AFF1: variants seen among roughly 807,000 people sequenced by gnomAD.
AFF1 encodes AF4/FMR2 family member 1.
In AFF1, 48 loss-of-function variants were observed where a neutral mutation model predicts 121.7. The observed-to-expected ratio is 0.39, with a 90% CI of 0.31 to 0.50. AFF1 has a LOEUF of 0.50. AFF1 is among the 20% of genes least tolerant of loss of function. The pLI is 0.76. For missense variants in AFF1, 1,523 were observed against 1,511.7 expected, an observed-to-expected ratio of 1.01 and a Z score of -0.12; for synonymous variants, 613 against 563.0, an observed-to-expected ratio of 1.09 and a Z score of -1.26.
In AFF1 at chr4:87,105,900, T is replaced by C. The variant is rs573367237; in HGVS notation, c.1376+55T>C. ...AGAATGTTTGCAATTTTTTACCAAA[T>C]GGGAAAAATAAAGCCTTATTTAGTA... On this transcript the variant is annotated intron_variant, in intron 10 of 20. Transcript: ENST00000395146. The C allele has an allele frequency of 3.1e-6, 5 of 1,592,998 alleles. No homozygotes were observed. In the South Asian group the frequency reaches 4.4e-5, roughly 14 times the overall value.
At position 87,131,204 on chromosome 4, in the gene AFF1, C is replaced by CTG; in HGVS notation, c.3088_3089dup (p.Asp1031Ter). ...TCAGCTTACTCTGTCTACTCAGAAA[C>CTG]TGTAGATCTCATTAAGTAAGTGCCG... On this transcript the variant is annotated frameshift_variant, in exon 17 of 21. Transcript: ENST00000395146. LOFTEE classifies it high-confidence loss of function. 1 of 1,614,122 alleles carries CTG rather than the reference C, an allele frequency of 6.2e-7. No individual in the cohort carries two copies. The highest frequency in any genetic ancestry group is 8.5e-7 in the Non-Finnish European group (1 of 1,180,002).
At chr4:87,040,871 CTTTT>C (rs780348229) in intron 2 of AFF1, among the ~76,000 whole-genome samples, 5 of 67,110 alleles carry the variant, frequency 7.5e-5, no homozygotes, top group African/African-American at 2.5e-4. Context: ...CCATGCCCTG[CTTTT>C]TTTTTTTTTT....
chr4:87,087,832 G>T (rs1228517430), intron 5 of AFF1, among the ~76,000 whole-genome samples: 2 of 152,150 alleles, frequency 1.3e-5, no homozygotes, highest in African/African-American at 4.8e-5. Flanking sequence ...AAACATAAGG[G>T]TGATGTTTTC....
intron 2 of AFF1, among the ~76,000 whole-genome samples, chr4:87,027,283 T>C (rs1728616934): frequency 6.6e-6 from 1 of 152,252 alleles, no homozygotes. Flanking sequence ...AGAGAAAGAT[T>C]TGAAGGTGTT....
At chr4:87,012,312 G>A (rs1048897568) in intron 2 of AFF1, among the ~76,000 whole-genome samples, 1 of 147,758 alleles carries the variant, frequency 6.8e-6, no homozygotes, top group African/African-American at 2.5e-5. Context: ...CTGACATCAG[G>A]TTTCTTTTCC....
At chr4:87,031,336 CTTAA>C (rs1417250402) in intron 2 of AFF1, among the ~76,000 whole-genome samples, 5 of 152,286 alleles carry the variant, frequency 3.3e-5, no homozygotes, top group South Asian at 2.1e-4. Context: ...TGTCCCTGTT[CTTAA>C]TTAATTAAAT....
At chr4:87,048,730 G>T (rs1730970850) in intron 4 of AFF1, among the ~76,000 whole-genome samples, 1 of 152,072 alleles carries the variant, frequency 6.6e-6, no homozygotes, top group Admixed American at 6.5e-5. Flanking sequence ...TTGGGGTGCC[G>T]TCCTCACTGA....
At chr4:87,112,083 G>A (rs975331665) in intron 11 of AFF1, among the ~76,000 whole-genome samples, 12 of 152,328 alleles carry the variant, frequency 7.9e-5, no homozygotes, top group African/African-American at 2.9e-4. Flanking sequence ...TACCTTTCCT[G>A]AGGAAGGGTG....
intron 2 of AFF1, among the ~76,000 whole-genome samples, chr4:86,998,832 A>C (rs1725458894): frequency 6.6e-6 from 1 of 152,198 alleles, no homozygotes; most frequent in African/African-American, 2.4e-5. Flanking sequence ...GAAGTATCTA[A>C]AGTGAGCTCT....
At chr4:87,116,878 G>A (rs1410190394) in intron 12 of AFF1, among the ~76,000 whole-genome samples, 1 of 152,072 alleles carries the variant, frequency 6.6e-6, no homozygotes, top group Non-Finnish European at 1.5e-5. Context: ...ACTTTATGGA[G>A]AAAATTGTGA....
At position 87,047,604 on chromosome 4, in the gene AFF1, A is replaced by C; in HGVS notation, c.1059+10A>C. 3 of 1,614,104 alleles carry C rather than the reference A, an allele frequency of 1.9e-6. No individual in the cohort carries two copies. Among genetic ancestry groups the C allele is most frequent in the Non-Finnish European group, 2.5e-6 (3 of 1,180,008 alleles). ...TTCTCAGTCAGTTGAGGTGTGTGGA[A>C]TTTCTTATCTTGGGGAATTCCAATT... On this transcript the variant is annotated intron_variant, in intron 4 of 20. Coordinates refer to ENST00000395146, the MANE Select transcript of AFF1 (RefSeq NM_001166693.3).
At chr4:87,109,174 A>C (rs184349595) in intron 11 of AFF1, among the ~76,000 whole-genome samples, 1 of 152,308 alleles carries the variant, frequency 6.6e-6, no homozygotes, top group East Asian at 1.9e-4. Context: ...TTAATAAGGG[A>C]ATGCCAGGAA....
At chr4:87,050,002 A>G (rs894475913) in intron 4 of AFF1, among the ~76,000 whole-genome samples, 5 of 152,208 alleles carry the variant, frequency 3.3e-5, no homozygotes, top group African/African-American at 1.2e-4. Flanking sequence ...TATTTTTGAA[A>G]GTTTTAAAAA....
intron 1 of AFF1, among the ~76,000 whole-genome samples, chr4:86,939,999 C>T (rs1720337197): frequency 6.6e-6 from 1 of 152,182 alleles, no homozygotes; most frequent in South Asian, 2.1e-4. Context: ...AGCTGTCAGA[C>T]CTTAGGCAAA....
intron 4 of AFF1, among the ~76,000 whole-genome samples, chr4:87,073,280 C>CAAAAAAAAAAAA (rs55821662): frequency 7.2e-5 from 6 of 83,684 alleles, no homozygotes; most frequent in South Asian, 5.4e-4. Context: ...GCATTAAAGC[C>CAAAAAAAAAAAA]AAAAAAAAAA....
chr4:86,981,348 A>T (rs187291823), intron 2 of AFF1, among the ~76,000 whole-genome samples: 1 of 151,850 alleles, frequency 6.6e-6, no homozygotes, highest in African/African-American at 2.4e-5. Flanking sequence ...ATATGCACAA[A>T]TTTCAGTTAT....
chr4:87,112,753 G>A (rs146723191), intron 11 of AFF1, among the ~76,000 whole-genome samples: 1 of 152,280 alleles, frequency 6.6e-6, no homozygotes, highest in Non-Finnish European at 1.5e-5. Context: ...AAATAAATCT[G>A]AAGTGGGATG....
intron 2 of AFF1, among the ~76,000 whole-genome samples, chr4:86,963,166 C>CAAAAAAA (rs11341612): frequency 7.9e-5 from 5 of 63,292 alleles, no homozygotes; most frequent in African/African-American, 2.7e-4. Flanking sequence ...ACTCCCATCT[C>CAAAAAAA]AAAAAAAAAA....
intron 2 of AFF1, among the ~76,000 whole-genome samples, chr4:87,033,559 T>C (rs6857010): frequency 0.042 from 6,416 of 152,288 alleles, 435 homozygotes; most frequent in African/African-American, 0.15. Flanking sequence ...AGTAACAGTA[T>C]ATTCACTTAG....
Sources: allele counts gnomAD v4.1 joint callset (sites outside exome capture counted in the v4.1 genomes callset), GRCh38; gene constraint gnomAD v4.1.1; transcripts MANE v1.5; gene names NCBI Gene and HGNC (gene_info 2026-07-23, HGNC 2026-07-21).